The following MED7 variants were observed in gnomAD, a reference collection of about 807,000 sequenced individuals.
MED7 encodes mediator of RNA polymerase II transcription subunit 7.
In MED7, 7 loss-of-function variants were observed where a neutral mutation model predicts 16.6. That is an observed-to-expected ratio of 0.42 (90% CI 0.24 to 0.79). MED7 has a LOEUF of 0.79. Among genes scored for constraint, MED7 ranks in the 30% least tolerant of loss-of-function variants. The pLI is 0.27. For missense variants in MED7, 240 were observed against 286.3 expected, an observed-to-expected ratio of 0.84 and a Z score of 1.17; for synonymous variants, 88 against 90.5, an observed-to-expected ratio of 0.97 and a Z score of 0.16.
intron 1 of MED7, among the ~76,000 whole-genome samples, chr5:157,140,312 C>G (rs371230877): frequency 6.6e-6 from 1 of 150,480 alleles, no homozygotes; most frequent in Admixed American, 6.6e-5. Flanking sequence ...CCACGCCTGG[C>G]CTGTATGGAC....
rs2113712005 is a variant in MED7, at chr5:157,140,142, A to C, written c.-17-694T>G. ...GCAATTCTCCTGCCTCAGCCTCCTA[A>C]GTAGATGGGATTACAGGCGTGCACC... On this transcript the variant is annotated intron_variant, in intron 1 of 1. Transcript: ENST00000286317. Among the ~76,000 whole-genome samples the C allele has an allele frequency of 2.6e-5, 4 of 152,238 alleles. No individual in the cohort carries two copies. In the South Asian group the frequency reaches 8.3e-4, roughly 32 times the overall value.
At position 157,138,912 on chromosome 5, in the gene MED7, C is replaced by A; in HGVS notation, c.520G>T (p.Asp174Tyr). Residue 174 changes from aspartate (D) to tyrosine (Y), a missense_variant, in exon 2 of 2, where the codon GAT becomes TAT. Asp to Tyr is a radical substitution (Grantham distance 160). Coordinates refer to ENST00000286317, the MANE Select transcript of MED7 (RefSeq NM_004270.5). Reference protein sequence around the residue: ...IQNCLASLPDDLPHSEAGMRV... With the variant: ...IQNCLASLPDYLPHSEAGMRV... The stretch of plus-strand genomic sequence containing the variant: ...ATTCCTGCTTCTGAATGAGGCAAAT[C>A]ATCAGGCAAAGAAGCCAAGCAATTC... 1 of 1,614,174 alleles carries A rather than the reference C, an allele frequency of 6.2e-7. No homozygotes were observed. The highest frequency in any genetic ancestry group is 1.1e-5 in the South Asian group (1 of 91,086).
chr5:157,138,624 A>T lies in MED7; in HGVS notation c.*106T>A. ...AATTGAAAAATTTGGAGTCAAGATT[A>T]AAGCTGTTTACATTTTTAGTGAAAC... On this transcript the variant is annotated 3_prime_UTR_variant, in exon 2 of 2. Coordinates refer to ENST00000286317, the MANE Select transcript of MED7 (RefSeq NM_004270.5). The T allele has an allele frequency of 2.0e-6, 2 of 991,246 alleles. No individual in the cohort carries two copies. Among genetic ancestry groups the T allele is most frequent in the African/African-American group, 1.6e-5 (1 of 61,676 alleles). 61.4% of individuals were successfully genotyped at this position (991,246 alleles called of 1,614,324 possible).
chr5:157,141,817 C>G (rs1229541706), intron 1 of MED7, among the ~76,000 whole-genome samples: 2 of 151,926 alleles, frequency 1.3e-5, no homozygotes, highest in Non-Finnish European at 2.9e-5. Context: ...TCTGGAACTC[C>G]TGACCTCAAG....
intron 1 of MED7, among the ~76,000 whole-genome samples, chr5:157,141,995 G>A (rs1340445253): frequency 6.6e-6 from 1 of 152,202 alleles, no homozygotes; most frequent in African/African-American, 2.4e-5. Flanking sequence ...GGCACAACAG[G>A]AATTCTTATC....
At chr5:157,140,085 A>C (rs149571449) in intron 1 of MED7, among the ~76,000 whole-genome samples, 315 of 152,186 alleles carry the variant, frequency 2.1e-3, no homozygotes, top group African/African-American at 7.3e-3. Flanking sequence ...CTCAGATCTC[A>C]GCTCACTGCA....
At chr5:157,139,830 TTA>T (rs1350751664) in intron 1 of MED7, among the ~76,000 whole-genome samples, 2 of 152,136 alleles carry the variant, frequency 1.3e-5, no homozygotes, top group African/African-American at 4.8e-5. Context: ...CACTTTTGTT[TTA>T]TGTTATAGAT....
At position 157,138,163 on chromosome 5, in the gene MED7, A is replaced by C. The variant is rs1234411388; in HGVS notation, c.*567T>G. Reference sequence around the variant, plus strand: ...GGAAAAAAAAACAACAATTTATGGGACTTCCCTGCAAGAGTCCATTCAGGA... The same window carrying C: ...GGAAAAAAAAACAACAATTTATGGGCCTTCCCTGCAAGAGTCCATTCAGGA... On this transcript the variant is annotated 3_prime_UTR_variant, in exon 2 of 2. Coordinates refer to ENST00000286317, the MANE Select transcript of MED7 (RefSeq NM_004270.5). 2.0e-5 allele frequency: 3 copies of C among 152,234 alleles called. No homozygotes were observed. Among genetic ancestry groups the C allele is most frequent in the Non-Finnish European group, 4.4e-5 (3 of 68,058 alleles). 9.4% of individuals were successfully genotyped at this position (152,234 alleles called of 1,614,324 possible). A position where few individuals can be genotyped will look rare whatever the true frequency, so the allele number is the denominator to read the frequency against.
intron 1 of MED7, among the ~76,000 whole-genome samples, chr5:157,140,474 CAG>C (rs1262711460): frequency 2.6e-5 from 4 of 151,920 alleles, no homozygotes; most frequent in Non-Finnish European, 5.9e-5. Context: ...TTGGTGTTAT[CAG>C]AGTTTCAAGA....
In MED7 at chr5:157,138,906, G is replaced by C. The variant is rs914180820; in HGVS notation, c.526C>G (p.Pro176Ala). The C allele has an allele frequency of 2.5e-6, 4 of 1,613,930 alleles. No homozygotes were observed. Among genetic ancestry groups the C allele is most frequent in the Non-Finnish European group, 3.4e-6 (4 of 1,180,032 alleles). ...NCLASLPDDL[P>A]HSEAGMRVKT... is the part of the protein sequence containing the mutation. Reference sequence around the variant, plus strand: ...ACTCTCATTCCTGCTTCTGAATGAGGCAAATCATCAGGCAAAGAAGCCAAG... The same window carrying C: ...ACTCTCATTCCTGCTTCTGAATGAGCCAAATCATCAGGCAAAGAAGCCAAG... The change falls in exon 2 of 2, where the codon CCT becomes GCT. Residue 176 changes from proline to alanine, a missense_variant. Transcript: ENST00000286317.
chr5:157,138,477 CAT>C lies in MED7; in HGVS notation c.*251_*252del, dbSNP rs1391405627. On this transcript the variant is annotated 3_prime_UTR_variant, in exon 2 of 2. Coordinates refer to ENST00000286317, the MANE Select transcript of MED7 (RefSeq NM_004270.5). ...TCAAAGTTTTACTGCAACTCTAAAA[CAT>C]AGGAATGTCCCATACAACAGCAGCT... is the stretch of plus-strand genomic sequence containing the variant. 5.4e-6 allele frequency: 2 copies of C among 372,814 alleles called. No homozygotes were observed. The highest frequency in any genetic ancestry group is 2.1e-5 in the African/African-American group (1 of 47,766). The allele number at this position is 372,814 out of a possible 1,614,324, so 23.1% of individuals were successfully genotyped here. A position where few individuals can be genotyped will look rare whatever the true frequency, so the allele number is the denominator to read the frequency against.
chr5:157,142,855 C>T lies in MED7; in HGVS notation c.-53G>A, dbSNP rs918006627. The T allele has an allele frequency of 6.6e-6, 1 of 152,336 alleles. No individual in the cohort carries two copies. Among genetic ancestry groups the T allele is most frequent in the African/African-American group, 2.4e-5 (1 of 41,450 alleles). 9.4% of individuals were successfully genotyped at this position (152,336 alleles called of 1,614,324 possible). A position where few individuals can be genotyped will look rare whatever the true frequency, so the allele number is the denominator to read the frequency against. On this transcript the variant is annotated 5_prime_UTR_variant, in exon 1 of 2. Coordinates refer to ENST00000286317, the MANE Select transcript of MED7 (RefSeq NM_004270.5). ...GCTTTACACTGGTAGCCGCCTTCCCCTCTGCAGCCGAAACCAACTTCCGGT... is the reference window on the plus strand; with the variant it reads ...GCTTTACACTGGTAGCCGCCTTCCCTTCTGCAGCCGAAACCAACTTCCGGT...
intron 1 of MED7, 23 bp from the exon 2 acceptor site, chr5:157,139,471 T>C (rs1212053822): frequency 7.4e-7 from 1 of 1,347,980 alleles, no homozygotes; most frequent in East Asian, 2.5e-5. Context: ...ACCAAAGATT[T>C]ATTAGAGCCA....
In MED7 at chr5:157,138,856, A is replaced by G. The variant is rs1757677374; in HGVS notation, c.576T>C (p.Asp192=). The G allele has an allele frequency of 6.2e-7, 1 of 1,614,036 alleles. No homozygotes were observed. Among genetic ancestry groups the G allele is most frequent in the East Asian group, 2.2e-5 (1 of 44,894 alleles). The stretch of plus-strand genomic sequence containing the variant: ...TCTGTCCAGTACAATTGTTGCTATC[A>G]TCAGCATCCATTGGTTCAGTTTTTA... ...MRVKTEPMDA[D]DSNNCTGQNE... The change falls in exon 2 of 2, where the codon GAT becomes GAC. Residue 192 remains aspartate, a synonymous_variant. Transcript: ENST00000286317.
chr5:157,137,530 G>C lies in MED7; in HGVS notation c.*1200C>G, dbSNP rs535133407. 2 of 152,150 alleles carry C rather than the reference G, an allele frequency of 1.3e-5. No homozygotes were observed. Among genetic ancestry groups the C allele is most frequent in the African/African-American group, 2.4e-5 (1 of 41,410 alleles). The allele number at this position is 152,150 out of a possible 1,614,324, so 9.4% of individuals were successfully genotyped here. On this transcript the variant is annotated 3_prime_UTR_variant, in exon 2 of 2. Coordinates refer to ENST00000286317, the MANE Select transcript of MED7 (RefSeq NM_004270.5). ...CAGGACCACACACTTTAAGAACCAC[G>C]GGCCTACATTAAGAAAACGGCAGGC...
At chr5:157,142,583 A>T (rs1757743691) in intron 1 of MED7, 1 of 152,304 alleles carries the variant, frequency 6.6e-6, no homozygotes, top group South Asian at 2.1e-4. Context: ...ACACGGAGGA[A>T]GCCCCGAGAC....
intron 1 of MED7, among the ~76,000 whole-genome samples, chr5:157,141,563 A>G (rs1313093102): frequency 6.6e-6 from 1 of 151,930 alleles, no homozygotes; most frequent in Non-Finnish European, 1.5e-5. Flanking sequence ...TAACAATTCT[A>G]TGAATTAAGG....
At chr5:157,139,886 T>G (rs1757698294) in intron 1 of MED7, among the ~76,000 whole-genome samples, 1 of 152,160 alleles carries the variant, frequency 6.6e-6, no homozygotes, top group Admixed American at 6.6e-5. Flanking sequence ...TCATAAACAC[T>G]CTGACAAAAT....
At chr5:157,142,288 G>A (rs1757738589) in intron 1 of MED7, 1 of 152,158 alleles carries the variant, frequency 6.6e-6, no homozygotes, top group African/African-American at 2.4e-5. Context: ...CAGCCCCAGA[G>A]ATTTGATTCA....
Sources: gnomAD v4.1 joint callset for allele counts (sites outside exome capture counted in the v4.1 genomes callset) on GRCh38, gnomAD v4.1.1 for gene constraint, MANE v1.5 for transcripts, NCBI Gene and HGNC (gene_info 2026-07-23, HGNC 2026-07-21) for gene names.